The following NAALADL2 variants were observed in gnomAD, a reference collection of about 807,000 sequenced individuals.
NAALADL2 encodes the protein inactive N-acetylated-alpha-linked acidic dipeptidase-like protein 2.
NAALADL2 carries 76 observed loss-of-function variants against 87.2 expected under a neutral mutation model. The observed-to-expected ratio is 0.87, with a 90% CI of 0.72 to 1.05. The LOEUF is 1.05. Ranked by LOEUF, NAALADL2 falls within the 50% of genes least tolerant of loss-of-function variation. The pLI is 0.00. For missense variants in NAALADL2, 1,089 were observed against 945.8 expected (o/e 1.15, Z -1.99); for synonymous variants, 354 against 331.0 (o/e 1.07, Z -0.75).
intron 9 of NAALADL2, among the ~76,000 whole-genome samples, chr3:175,542,793 A>G (rs564775701): frequency 3.3e-5 from 5 of 152,352 alleles, no homozygotes; most frequent in Non-Finnish European, 7.3e-5. Flanking sequence ...GGCCAACTGT[A>G]TGTTAATTCT....
At chr3:175,521,339 A>T (rs866480427) in intron 9 of NAALADL2, among the ~76,000 whole-genome samples, 38 of 152,218 alleles carry the variant, frequency 2.5e-4, no homozygotes, top group African/African-American at 8.7e-4. Context: ...TAATTTGTAT[A>T]TTTCTACAGT....
At chr3:175,197,987 T>C (rs1183552234) in intron 2 of NAALADL2, among the ~76,000 whole-genome samples, 2 of 152,074 alleles carry the variant, frequency 1.3e-5, no homozygotes, top group Non-Finnish European at 2.9e-5. Flanking sequence ...AATATAAATA[T>C]CTAATCTGTT....
intron 2 of NAALADL2, among the ~76,000 whole-genome samples, chr3:175,227,536 G>A (rs1377984951): frequency 6.6e-6 from 1 of 151,942 alleles, no homozygotes; most frequent in African/African-American, 2.4e-5. Context: ...TCTGAAATTA[G>A]TAAACTTAGA....
At chr3:175,758,164 A>G (rs558669392) in intron 13 of NAALADL2, among the ~76,000 whole-genome samples, 3 of 151,986 alleles carry the variant, frequency 2.0e-5, no homozygotes, top group African/African-American at 7.2e-5. Context: ...AAATGATTAA[A>G]CACATCATTT....
At chr3:175,763,378 G>A (rs1040574527) in intron 13 of NAALADL2, among the ~76,000 whole-genome samples, 1 of 152,000 alleles carries the variant, frequency 6.6e-6, no homozygotes, top group African/African-American at 2.4e-5. Context: ...GATTCTTTTA[G>A]CAAATTTCAG....
intron 1 of NAALADL2, among the ~76,000 whole-genome samples, chr3:175,068,349 T>C (rs749823025): frequency 2.6e-5 from 4 of 152,080 alleles, no homozygotes; most frequent in Non-Finnish European, 4.4e-5. Flanking sequence ...TCATTTGAAA[T>C]AATTTAAAAG....
At chr3:175,133,503 C>A (rs913149545) in intron 2 of NAALADL2, among the ~76,000 whole-genome samples, 1 of 152,192 alleles carries the variant, frequency 6.6e-6, no homozygotes, top group Non-Finnish European at 1.5e-5. Context: ...GCGGATCACT[C>A]GCAGCTAGGA....
intron 5 of NAALADL2, among the ~76,000 whole-genome samples, chr3:175,421,246 A>C (rs1715644183): frequency 6.6e-6 from 1 of 151,986 alleles, no homozygotes; most frequent in African/African-American, 2.4e-5. Flanking sequence ...TGAAATACCA[A>C]CTTATAGATG....
Position 174,528,078 on chromosome 3 carries a change from ATATT to A in NAALADL2, c.-183-22488_-183-22485del, listed in dbSNP as rs578190476. ...TGCCGTGTGGCCAGAAAAGCCAAAA[ATATT>A]TACTATTAATATATTTTATTATAAA... On this transcript the variant is annotated intron_variant, in intron 1 of 3. Coordinates refer to the NAALADL2 transcript ENST00000434257. 4.1e-4 allele frequency among the ~76,000 whole-genome samples: 63 copies of A among 152,274 alleles called. No individual in the cohort carries two copies. In the East Asian group the frequency reaches 0.012, roughly 29 times the overall value.
At chr3:175,768,730 T>C (rs1246089166) in intron 13 of NAALADL2, among the ~76,000 whole-genome samples, 3 of 152,108 alleles carry the variant, frequency 2.0e-5, no homozygotes, top group East Asian at 1.9e-4. Context: ...TGCACCCCTG[T>C]AGTCCTAGCT....
At chr3:174,803,473 A>C (rs1437713672) in intron 3 of NAALADL2, among the ~76,000 whole-genome samples, 1 of 152,016 alleles carries the variant, frequency 6.6e-6, no homozygotes, top group African/African-American at 2.4e-5. Context: ...GAAGCTCTTT[A>C]GTTTAATTAC....
chr3:174,894,921 T>A (rs1731321211), intron 1 of NAALADL2, among the ~76,000 whole-genome samples: 1 of 152,036 alleles, frequency 6.6e-6, no homozygotes, highest in Non-Finnish European at 1.5e-5. Flanking sequence ...AACAATATGC[T>A]CCTGGAGCAG....
At chr3:175,364,178 G>A (rs9833334) in intron 5 of NAALADL2, among the ~76,000 whole-genome samples, 147,042 of 147,560 alleles carry the variant, frequency 1, 73,303 homozygotes, top group Middle Eastern at 1. Flanking sequence ...GTGTGCTTGC[G>A]TGCCCACCAT....
intron 11 of NAALADL2, among the ~76,000 whole-genome samples, chr3:175,667,761 T>TTC (rs1438086054): frequency 2.7e-5 from 4 of 146,400 alleles, no homozygotes; most frequent in Non-Finnish European, 4.5e-5. Flanking sequence ...TTTTTTTTTT[T>TTC]CTGTAACAGG....
At chr3:174,638,567 G>A (rs1275414491) in intron 2 of NAALADL2, among the ~76,000 whole-genome samples, 1 of 152,016 alleles carries the variant, frequency 6.6e-6, no homozygotes, top group African/African-American at 2.4e-5. Flanking sequence ...CATAGGAGAT[G>A]TTGAAGAAGG....
chr3:175,228,734 T>C (rs1399798136), intron 2 of NAALADL2, among the ~76,000 whole-genome samples: 1 of 151,948 alleles, frequency 6.6e-6, no homozygotes, highest in Non-Finnish European at 1.5e-5. Flanking sequence ...CTTTTAAAAA[T>C]TCTAATAATA....
chr3:174,882,142 T>G (rs1729268960), intron 1 of NAALADL2, among the ~76,000 whole-genome samples: 2 of 152,076 alleles, frequency 1.3e-5, no homozygotes, highest in Admixed American at 1.3e-4. Flanking sequence ...AAGTAAGATA[T>G]TTGAATTTTC....
chr3:174,725,935 G>A (rs528319684), intron 2 of NAALADL2, among the ~76,000 whole-genome samples: 1 of 152,190 alleles, frequency 6.6e-6, no homozygotes, highest in East Asian at 1.9e-4. Flanking sequence ...TTGAATAAAG[G>A]AGCAAGTGAA....
At chr3:174,480,101 A>G (rs1490765473) in intron 1 of NAALADL2, among the ~76,000 whole-genome samples, 1 of 152,136 alleles carries the variant, frequency 6.6e-6, no homozygotes, top group Non-Finnish European at 1.5e-5. Flanking sequence ...TTACAGATTT[A>G]GGGTTTATTG....
Sources: allele counts gnomAD v4.1 joint callset (sites outside exome capture counted in the v4.1 genomes callset), GRCh38; gene constraint gnomAD v4.1.1; transcripts MANE v1.5; gene names NCBI Gene and HGNC (gene_info 2026-07-23, HGNC 2026-07-21).